The following EXOC4 variants were observed in gnomAD, a reference collection of about 807,000 sequenced individuals.
EXOC4 encodes the protein SEC8-like 1.
In EXOC4, 71 loss-of-function variants were observed where a neutral mutation model predicts 107.2. The ratio of observed to expected loss-of-function variants is 0.66; its 90% CI spans 0.55 to 0.81. EXOC4 has a LOEUF of 0.81. Ranked by LOEUF, EXOC4 falls within the 30% of genes least tolerant of loss-of-function variation. The pLI, the probability that EXOC4 is intolerant of heterozygous loss-of-function variation, is 0.00. For missense variants in EXOC4, 1,108 were observed against 1,189.6 expected (o/e 0.93, Z 1.01); for synonymous variants, 456 against 441.2 (o/e 1.03, Z -0.42).
chr7:133,848,567 C>G (rs915975408), intron 11 of EXOC4, among the ~76,000 whole-genome samples: 3 of 152,202 alleles, frequency 2.0e-5, no homozygotes, highest in African/African-American at 7.2e-5. Context: ...TCTCATTGGT[C>G]TAGTTATTGT....
At chr7:133,339,674 A>G (rs1278771039) in intron 5 of EXOC4, among the ~76,000 whole-genome samples, 1 of 152,144 alleles carries the variant, frequency 6.6e-6, no homozygotes, top group Non-Finnish European at 1.5e-5. Context: ...TGTGTTGCCT[A>G]TGACTTCTTT....
chr7:133,332,217 C>T (rs1795410592), intron 5 of EXOC4, among the ~76,000 whole-genome samples: 1 of 152,100 alleles, frequency 6.6e-6, no homozygotes, highest in African/African-American at 2.4e-5. Context: ...CTTTTGGGTA[C>T]AAGCATAGGT....
At chr7:133,288,591 C>T (rs1794333620) in intron 2 of EXOC4, among the ~76,000 whole-genome samples, 1 of 152,160 alleles carries the variant, frequency 6.6e-6, no homozygotes, top group South Asian at 2.1e-4. Context: ...TCACATTGAT[C>T]ATTCTCCTTT....
intron 9 of EXOC4, among the ~76,000 whole-genome samples, chr7:133,558,198 TTTC>T (rs1800734357): frequency 9.9e-6 from 1 of 101,092 alleles, no homozygotes; most frequent in Non-Finnish European, 2.0e-5. Context: ...TCTCTTTTCT[TTTC>T]TTTTCTTTTC....
intron 7 of EXOC4, among the ~76,000 whole-genome samples, chr7:133,445,930 C>T (rs946725257): frequency 6.6e-6 from 1 of 150,726 alleles, no homozygotes; most frequent in Non-Finnish European, 1.5e-5. Flanking sequence ...GTGGGAGACT[C>T]AACTGAGCCC....
intron 7 of EXOC4, among the ~76,000 whole-genome samples, chr7:133,449,538 T>C (rs1160109343): frequency 6.6e-6 from 1 of 152,224 alleles, no homozygotes; most frequent in Non-Finnish European, 1.5e-5. Flanking sequence ...TCAACATTGC[T>C]CCTTAGTCTT....
chr7:133,559,974 C>A (rs1236038104), intron 9 of EXOC4, among the ~76,000 whole-genome samples: 1 of 152,154 alleles, frequency 6.6e-6, no homozygotes, highest in African/African-American at 2.4e-5. Flanking sequence ...AATTAGATAG[C>A]TTAGGTACAT....
chr7:133,502,211 G>C (rs1429720330), intron 9 of EXOC4, among the ~76,000 whole-genome samples: 1 of 147,892 alleles, frequency 6.8e-6, no homozygotes, highest in Admixed American at 6.7e-5. Context: ...TTCTGAGATT[G>C]CTATTAAGAC....
chr7:133,464,721 C>T (rs1262777394), intron 7 of EXOC4, among the ~76,000 whole-genome samples: 2 of 148,192 alleles, frequency 1.3e-5, no homozygotes, highest in Non-Finnish European at 3.0e-5. Flanking sequence ...AGTCTTAAAA[C>T]AGAGTAAAAT....
intron 3 of EXOC4, among the ~76,000 whole-genome samples, chr7:133,303,262 G>A (rs1351931887): frequency 6.6e-6 from 1 of 152,072 alleles, no homozygotes; most frequent in African/African-American, 2.4e-5. Context: ...GTGAAACTCT[G>A]TCTTTACTAA....
In EXOC4 at chr7:133,317,367, A is replaced by C; in HGVS notation, c.740A>C (p.Tyr247Ser). Reference protein sequence around the residue: ...TPRKFLDTSHYSTAGSSSVRE... With the variant: ...TPRKFLDTSHSSTAGSSSVRE... ...CGAAAATTCCTTGATACCTCTCACT[A>C]TTCTACTGCTGGAAGCTCAAGTGGT... Residue 247 changes from tyrosine (Y) to serine (S), a missense_variant, in exon 5 of 18, where the codon TAT becomes TCT. Transcript: ENST00000253861. 1.2e-6 allele frequency: 2 copies of C among 1,608,920 alleles called. No homozygotes were observed. Among genetic ancestry groups the C allele is most frequent in the Non-Finnish European group, 1.7e-6 (2 of 1,175,366 alleles).
At chr7:133,897,133 CATT>C (rs1306647049) in intron 12 of EXOC4, among the ~76,000 whole-genome samples, 2 of 151,556 alleles carry the variant, frequency 1.3e-5, no homozygotes, top group African/African-American at 4.9e-5. Context: ...GATATGGAAT[CATT>C]ATAAGTGAGC....
In EXOC4 at chr7:133,682,787, A is replaced by G. The variant is rs555584986; in HGVS notation, c.1514+52646A>G. 7.7e-4 allele frequency among the ~76,000 whole-genome samples: 118 copies of G among 152,302 alleles called. 1 individual carries two copies. The highest frequency in any genetic ancestry group is 2.7e-3 in the Admixed American group (41 of 15,308). On this transcript the variant is annotated intron_variant, in intron 10 of 17. Transcript: ENST00000253861. ...AAACATCAGACGCTTTTACCACCAC[A>G]TAGAGTTTGAGGCTCTCAGTCAAAA...
chr7:133,830,378 T>C (rs2151236266), intron 11 of EXOC4, among the ~76,000 whole-genome samples: 1 of 152,344 alleles, frequency 6.6e-6, no homozygotes, highest in East Asian at 1.9e-4. Flanking sequence ...CCAGTTAATT[T>C]CTTGCCTCGT....
chr7:133,793,628 T>G (rs554488602), intron 10 of EXOC4, among the ~76,000 whole-genome samples: 5 of 152,286 alleles, frequency 3.3e-5, no homozygotes, highest in Admixed American at 3.3e-4. Flanking sequence ...ACGGATCACC[T>G]GAGGTCAGGA....
At chr7:133,359,601 T>G (rs1202223914) in intron 6 of EXOC4, among the ~76,000 whole-genome samples, 2 of 152,142 alleles carry the variant, frequency 1.3e-5, no homozygotes, top group Non-Finnish European at 2.9e-5. Context: ...TCCAAAACAT[T>G]AGTTATTCTG....
chr7:133,256,166 A>T (rs1795013604), intron 1 of EXOC4, among the ~76,000 whole-genome samples: 1 of 152,188 alleles, frequency 6.6e-6, no homozygotes, highest in South Asian at 2.1e-4. Flanking sequence ...TATTTTTAGT[A>T]GAGGCAGGGT....
At chr7:133,630,008 A>G in intron 9 of EXOC4, 37 bp from the exon 10 acceptor site, 1 of 1,481,028 alleles carries the variant, frequency 6.8e-7, no homozygotes, top group Non-Finnish European at 9.4e-7. Flanking sequence ...TAAAAGTTTC[A>G]ATGAGCTAAG....
At chr7:133,864,222 G>A (rs779957311) in intron 11 of EXOC4, among the ~76,000 whole-genome samples, 7 of 152,136 alleles carry the variant, frequency 4.6e-5, no homozygotes, top group Admixed American at 1.3e-4. Flanking sequence ...TGAATGTCTG[G>A]ATAGCATTTT....
Sources: allele counts gnomAD v4.1 joint callset (sites outside exome capture counted in the v4.1 genomes callset), GRCh38; gene constraint gnomAD v4.1.1; transcripts MANE v1.5; gene names NCBI Gene and HGNC (gene_info 2026-07-23, HGNC 2026-07-21).